NIBAN1: variants seen among roughly 807,000 people sequenced by gnomAD.
NIBAN1 encodes the protein niban apoptosis regulator 1.
Under a neutral mutation model 75.1 loss-of-function variants are expected in NIBAN1, and 81 were observed. The ratio of observed to expected loss-of-function variants is 1.08; its 90% CI spans 0.90 to 1.30. The LOEUF is 1.30. Ranked by LOEUF, NIBAN1 falls within the 50% of genes most tolerant of loss-of-function variation. NIBAN1 has a pLI of 0.00. For synonymous variants in NIBAN1, 436 were observed against 424.8 expected (o/e 1.03, Z -0.32); for missense variants, 1,133 against 1,128.1 (o/e 1.00, Z -0.06).
At chr1:184,821,886 C>T (rs753101653) in intron 8 of NIBAN1, among the ~76,000 whole-genome samples, 1 of 152,116 alleles carries the variant, frequency 6.6e-6, no homozygotes, top group Non-Finnish European at 1.5e-5. Flanking sequence ...GACACACACA[C>T]CAGTGCTGGA....
At chr1:184,822,155 G>A (rs906145516) in intron 8 of NIBAN1, among the ~76,000 whole-genome samples, 1 of 152,160 alleles carries the variant, frequency 6.6e-6, no homozygotes, top group Non-Finnish European at 1.5e-5. Context: ...GAACTTTCTA[G>A]GAAGACTGTC....
intron 5 of NIBAN1, among the ~76,000 whole-genome samples, chr1:184,873,150 A>G (rs764483751): frequency 6.6e-5 from 10 of 152,366 alleles, no homozygotes; most frequent in Non-Finnish European, 1.0e-4. Flanking sequence ...AAGAATACGA[A>G]TGAGATAAAG....
At chr1:184,952,801 G>A (rs1020736734) in intron 1 of NIBAN1, among the ~76,000 whole-genome samples, 5 of 152,126 alleles carry the variant, frequency 3.3e-5, no homozygotes, top group Admixed American at 2.0e-4. Flanking sequence ...TGAGAAAACC[G>A]AGGCCTAAAG....
chr1:184,871,347 C>CAAAAA (rs10658216), intron 5 of NIBAN1, among the ~76,000 whole-genome samples: 3 of 34,556 alleles, frequency 8.7e-5, no homozygotes, highest in Non-Finnish European at 1.9e-4. Flanking sequence ...AACTCTATCT[C>CAAAAA]AAAAAAAAAA....
At chr1:184,852,231 GC>G (rs529334165) in intron 5 of NIBAN1, among the ~76,000 whole-genome samples, 265 of 152,286 alleles carry the variant, frequency 1.7e-3, no homozygotes, top group Non-Finnish European at 3.3e-3. Flanking sequence ...CAAATGTTCT[GC>G]TTTTCAGGAA....
chr1:184,967,703 G>A (rs1001387282), intron 1 of NIBAN1, among the ~76,000 whole-genome samples: 1 of 152,174 alleles, frequency 6.6e-6, no homozygotes, highest in African/African-American at 2.4e-5. Flanking sequence ...CTTTGATGAT[G>A]TGGCCCTCTT....
chr1:184,908,240 G>A (rs1364617109), intron 1 of NIBAN1, among the ~76,000 whole-genome samples: 3 of 152,138 alleles, frequency 2.0e-5, no homozygotes, highest in African/African-American at 7.2e-5. Flanking sequence ...CCCATCAAAG[G>A]CATTCAATGA....
intron 1 of NIBAN1, among the ~76,000 whole-genome samples, chr1:184,969,429 G>A (rs1658878322): frequency 1.3e-5 from 2 of 152,136 alleles, no homozygotes; most frequent in South Asian, 4.1e-4. Context: ...ATCACATTCA[G>A]ATGCAACAAA....
chr1:184,821,619 G>A (rs1379595468), intron 8 of NIBAN1: 2 of 152,162 alleles, frequency 1.3e-5, no homozygotes, highest in Admixed American at 6.5e-5. Flanking sequence ...TTTAAGCAAA[G>A]GATGACAATT....
At chr1:184,943,808 T>C (rs1658155919) in intron 1 of NIBAN1, among the ~76,000 whole-genome samples, 1 of 152,194 alleles carries the variant, frequency 6.6e-6, no homozygotes, top group African/African-American at 2.4e-5. Context: ...CTTAAAAATC[T>C]TTATTAAGTT....
At chr1:184,947,480 A>G (rs1481820332) in intron 1 of NIBAN1, among the ~76,000 whole-genome samples, 1 of 152,240 alleles carries the variant, frequency 6.6e-6, no homozygotes, top group Non-Finnish European at 1.5e-5. Context: ...CGGTTATACA[A>G]TATTGTGAAT....
intron 5 of NIBAN1, among the ~76,000 whole-genome samples, chr1:184,871,347 C>CAAAAAAA (rs10658216): frequency 8.7e-5 from 3 of 34,566 alleles, no homozygotes; most frequent in Non-Finnish European, 2.8e-4. Context: ...AACTCTATCT[C>CAAAAAAA]AAAAAAAAAA....
intron 4 of NIBAN1, among the ~76,000 whole-genome samples, chr1:184,887,495 A>G (rs772396406): frequency 6.6e-6 from 1 of 152,182 alleles, no homozygotes; most frequent in Non-Finnish European, 1.5e-5. Context: ...GTAAGATATA[A>G]GCTGAAGTGG....
chr1:184,805,653 T>G (rs1034043811), intron 11 of NIBAN1, among the ~76,000 whole-genome samples: 2 of 152,172 alleles, frequency 1.3e-5, no homozygotes, highest in Non-Finnish European at 2.9e-5. Flanking sequence ...CATGCAGTGC[T>G]TATAGTGGAC....
intron 1 of NIBAN1, among the ~76,000 whole-genome samples, chr1:184,974,036 G>T (rs757292252): frequency 6.6e-6 from 1 of 152,092 alleles, no homozygotes; most frequent in African/African-American, 2.4e-5. Flanking sequence ...CTGACCCCGA[G>T]GCGGCGGGAG....
chr1:184,909,483 G>A (rs1657185713), intron 1 of NIBAN1, among the ~76,000 whole-genome samples: 1 of 152,100 alleles, frequency 6.6e-6, no homozygotes, highest in African/African-American at 2.4e-5. Flanking sequence ...TTAGTCTGGG[G>A]ATATGTGTAA....
chr1:184,811,695 T>C (rs1654385226), intron 9 of NIBAN1, among the ~76,000 whole-genome samples: 1 of 151,986 alleles, frequency 6.6e-6, no homozygotes, highest in Non-Finnish European at 1.5e-5. Flanking sequence ...GGTTTCACCA[T>C]GTTAGCCAGG....
At chr1:184,871,094 C>A (rs1656094229) in intron 5 of NIBAN1, among the ~76,000 whole-genome samples, 1 of 151,982 alleles carries the variant, frequency 6.6e-6, no homozygotes, top group Admixed American at 6.6e-5. Context: ...TGCCTGTAAT[C>A]CCAGTATTTT....
intron 1 of NIBAN1, among the ~76,000 whole-genome samples, chr1:184,971,930 A>G (rs1658947337): frequency 6.6e-6 from 1 of 152,258 alleles, no homozygotes; most frequent in African/African-American, 2.4e-5. Flanking sequence ...TTACCTGAAG[A>G]TTAACTAAAT....
Sources: allele counts gnomAD v4.1 joint callset (sites outside exome capture counted in the v4.1 genomes callset), GRCh38; gene constraint gnomAD v4.1.1; transcripts MANE v1.5; gene names NCBI Gene and HGNC (gene_info 2026-07-23, HGNC 2026-07-21).